The following CD58 variants were observed in gnomAD, a reference collection of about 807,000 sequenced individuals.
CD58 encodes the protein CD58 molecule.
Under a neutral mutation model 27.6 loss-of-function variants are expected in CD58, and 14 were observed. The observed-to-expected ratio is 0.51, with a 90% CI of 0.34 to 0.79. CD58 has a LOEUF of 0.79. Ranked by LOEUF, CD58 falls within the 30% of genes least tolerant of loss-of-function variation. CD58 has a pLI of 0.02. For missense variants in CD58, 268 were observed against 301.7 expected (o/e 0.89, Z 0.83); for synonymous variants, 117 against 103.8 (o/e 1.13, Z -0.77).
At chr1:116,564,774 T>C (rs1009727071) in intron 1 of CD58, among the ~76,000 whole-genome samples, 2 of 152,308 alleles carry the variant, frequency 1.3e-5, no homozygotes, top group South Asian at 2.1e-4. Context: ...CAACGTAAGA[T>C]TTGGGTGGGA....
At chr1:116,544,715 G>A in intron 1 of CD58, 111 bp from the exon 2 acceptor site, 3 of 702,300 alleles carry the variant, frequency 4.3e-6, no homozygotes, top group Non-Finnish European at 2.4e-6. Context: ...CAAAATACAG[G>A]AAGTAAGAAC....
At position 116,536,146 on chromosome 1, in the gene CD58, G is replaced by A. The variant is rs778504255; in HGVS notation, c.447C>T (p.Asn149=). ...EVQCMIPEHY[N]SHRGLIMYSW... ...AGTACATTATAAGTCCTCGATGGCT[G>A]TTGTAATGCTCTGGTATCATGCATT... is the stretch of plus-strand genomic sequence containing the variant. The change falls in exon 3 of 6, where the codon AAC becomes AAT. Residue 149 remains asparagine, a synonymous_variant. Transcript: ENST00000369489. This position sits in a 1 kb window ranked among gnomAD's most constrained non-coding sequence, Gnocchi z 5.4. 15 of 1,612,998 alleles carry A rather than the reference G, an allele frequency of 9.3e-6. No individual in the cohort carries two copies. The South Asian group carries it at 1.5e-4, about 17-fold the overall frequency.
At chr1:116,558,075 T>TTC (rs199697659) in intron 1 of CD58, among the ~76,000 whole-genome samples, 2 of 151,212 alleles carry the variant, frequency 1.3e-5, no homozygotes, top group Admixed American at 6.6e-5. Context: ...TTTAAGATAC[T>TTC]TCTCTCTCTC....
In CD58 at chr1:116,522,978, T is replaced by C. The variant is rs1443271458; in HGVS notation, c.629-995A>G. On this transcript the variant is annotated intron_variant, in intron 3 of 5. Coordinates refer to ENST00000369489, the MANE Select transcript of CD58 (RefSeq NM_001779.3). This position sits in a 1 kb window ranked among gnomAD's most constrained non-coding sequence, Gnocchi z 4.6. ...ACAGGGTAACTATACTCGAGACTAA[T>C]AAATATACTTATCTCATAGGGTAGT... Among the ~76,000 whole-genome samples the C allele has an allele frequency of 6.6e-6, 1 of 152,198 alleles. No individual in the cohort carries two copies. Among genetic ancestry groups the C allele is most frequent in the African/African-American group, 2.4e-5 (1 of 41,436 alleles).
intron 1 of CD58, among the ~76,000 whole-genome samples, chr1:116,561,428 CTA>C (rs1340583470): frequency 6.6e-6 from 1 of 152,076 alleles, no homozygotes; most frequent in Non-Finnish European, 1.5e-5. Flanking sequence ...GCAAAAGTGT[CTA>C]GGAGTGAAAT....
At chr1:116,549,472 C>A (rs1265140856) in intron 1 of CD58, among the ~76,000 whole-genome samples, 1 of 152,154 alleles carries the variant, frequency 6.6e-6, no homozygotes, top group Non-Finnish European at 1.5e-5. Context: ...CATACACAAG[C>A]ACAGCCAGCC....
chr1:116,558,436 C>T (rs1658651559), intron 1 of CD58, among the ~76,000 whole-genome samples: 1 of 152,156 alleles, frequency 6.6e-6, no homozygotes, highest in Admixed American at 6.5e-5. Flanking sequence ...TGCCTACTTG[C>T]AGTATCAGGA....
intron 3 of CD58, among the ~76,000 whole-genome samples, chr1:116,529,420 G>A (rs192542465): frequency 9.2e-5 from 14 of 152,172 alleles, no homozygotes; most frequent in African/African-American, 3.1e-4. Flanking sequence ...CCTTGGAGCT[G>A]CAATTTTCAA....
Position 116,538,457 on chromosome 1 carries a change from G to A in CD58, c.365-2229C>T, listed in dbSNP as rs918062927. Among the ~76,000 whole-genome samples, 1 of 152,084 alleles carries A rather than the reference G, an allele frequency of 6.6e-6. No individual in the cohort carries two copies. Among genetic ancestry groups the A allele is most frequent in the African/African-American group, 2.4e-5 (1 of 41,382 alleles). On this transcript the variant is annotated intron_variant, in intron 2 of 5. Coordinates refer to ENST00000369489, the MANE Select transcript of CD58 (RefSeq NM_001779.3). This position sits in a 1 kb window ranked among gnomAD's most constrained non-coding sequence, Gnocchi z 4.7. ...TACTTATGCCTGCCTCTGTAACTAG[G>A]CTGGGCATTTCTCAGGGGCAGAAAA...
Position 116,536,350 on chromosome 1 carries a change from G to A in CD58, c.365-122C>T. ...GAAAGGATGAGCAGACAAACTCCTTGAGCATCAAGGAGCGAGAATTCTTTC... is the reference window on the plus strand; with the variant it reads ...GAAAGGATGAGCAGACAAACTCCTTAAGCATCAAGGAGCGAGAATTCTTTC... On this transcript the variant is annotated intron_variant, in intron 2 of 5. Transcript: ENST00000369489. This position sits in a 1 kb window ranked among gnomAD's most constrained non-coding sequence, Gnocchi z 5.4. The A allele has an allele frequency of 1.5e-6, 1 of 645,452 alleles. No homozygotes were observed. The highest frequency in any genetic ancestry group is 2.6e-6 in the Non-Finnish European group (1 of 385,196). 40.0% of individuals were successfully genotyped at this position (645,452 alleles called of 1,614,324 possible).
At position 116,570,833 on chromosome 1, in the gene CD58, G is replaced by A; in HGVS notation, c.70+70C>T. ...TCGGCAACCGCCTCGAGCCCGGCGC[G>A]TCCACCCAGCCTGGGTGCTGCCCAG... On this transcript the variant is annotated intron_variant, in intron 1 of 5. Transcript: ENST00000369489. This position sits in a 1 kb window ranked among gnomAD's most constrained non-coding sequence, Gnocchi z 6.4. The A allele has an allele frequency of 3.1e-6, 4 of 1,281,380 alleles. No homozygotes were observed. Among genetic ancestry groups the A allele is most frequent in the Non-Finnish European group, 4.3e-6 (4 of 935,422 alleles). 79.4% of individuals were successfully genotyped at this position (1,281,380 alleles called of 1,614,324 possible).
In CD58 at chr1:116,552,781, G is replaced by A. The variant is rs1346211089; in HGVS notation, c.71-8177C>T. ...TAGCTTTGTCTATTGCAGTTACACC[G>A]CAATAACTATCCTGTACATATGTCC... On this transcript the variant is annotated intron_variant, in intron 1 of 5. Transcript: ENST00000369489. This position sits in a 1 kb window ranked among gnomAD's most constrained non-coding sequence, Gnocchi z 4.5. Among the ~76,000 whole-genome samples the A allele has an allele frequency of 3.9e-5, 6 of 152,156 alleles. No individual in the cohort carries two copies. Among genetic ancestry groups the A allele is most frequent in the South Asian group, 2.1e-4 (1 of 4,836 alleles).
rs762708999 is a variant in CD58, at chr1:116,544,574, T to C, written c.101A>G (p.Tyr34Cys). The change falls in exon 2 of 6, where the codon TAT becomes TGT. Residue 34 changes from tyrosine to cysteine, a missense_variant. By Grantham distance (194) the Tyr-to-Cys change is radical (BLOSUM62 -2). Transcript: ENST00000369489. Reference sequence around the variant, plus strand: ...AGTTACATTCCCATACACAACACCATATATTTGTTGGGAAAAACAGCTGAT... The same window carrying C: ...AGTTACATTCCCATACACAACACCACATATTTGTTGGGAAAAACAGCTGAT... ...GFISCFSQQI[Y>C]GVVYGNVTFH... 8.5e-5 allele frequency: 136 copies of C among 1,590,832 alleles called. No individual in the cohort carries two copies. The highest frequency in any genetic ancestry group is 6.7e-4 in the Middle Eastern group (4 of 5,974).
chr1:116,569,404 T>C lies in CD58; in HGVS notation c.70+1499A>G, dbSNP rs371342585. On this transcript the variant is annotated intron_variant, in intron 1 of 5. Coordinates refer to ENST00000369489, the MANE Select transcript of CD58 (RefSeq NM_001779.3). ...ATCCTGTAAGGCCCAGGAGAAGCTC[T>C]CTCAGCTCAGAGAATCCAGACTCCC... 2.2e-4 allele frequency among the ~76,000 whole-genome samples: 33 copies of C among 152,208 alleles called. No homozygotes were observed. In the East Asian group the frequency reaches 2.3e-3, roughly 11 times the overall value.
At chr1:116,540,750 G>A (rs1264093486) in intron 2 of CD58, among the ~76,000 whole-genome samples, 2 of 152,086 alleles carry the variant, frequency 1.3e-5, no homozygotes. Flanking sequence ...TATCCAGTTG[G>A]TCTGACTAAC....
intron 1 of CD58, among the ~76,000 whole-genome samples, chr1:116,556,838 C>G (rs1249731866): frequency 3.3e-5 from 5 of 152,178 alleles, no homozygotes; most frequent in African/African-American, 1.2e-4. Context: ...CACCAGTGAG[C>G]CTACAGGGAG....
In CD58 at chr1:116,552,357, C is replaced by T. The variant is rs1387585446; in HGVS notation, c.71-7753G>A. 2.0e-5 allele frequency among the ~76,000 whole-genome samples: 3 copies of T among 152,292 alleles called. No individual in the cohort carries two copies. In the East Asian group the frequency reaches 5.8e-4, roughly 29 times the overall value. On this transcript the variant is annotated intron_variant, in intron 1 of 5. Transcript: ENST00000369489. This position sits in a 1 kb window ranked among gnomAD's most constrained non-coding sequence, Gnocchi z 4.5. ...CAGTAACATCAAAGATCACTGATCA[C>T]AGATCACCATAACAGATATGATAAT... is the stretch of plus-strand genomic sequence containing the variant.
chr1:116,520,477 C>T (rs1016561846), intron 4 of CD58, among the ~76,000 whole-genome samples: 2 of 151,174 alleles, frequency 1.3e-5, no homozygotes, highest in Non-Finnish European at 2.9e-5. Flanking sequence ...CAGTACTGAC[C>T]AGGGGAGTAA....
At chr1:116,566,985 A>T (rs921854652) in intron 1 of CD58, among the ~76,000 whole-genome samples, 1 of 150,806 alleles carries the variant, frequency 6.6e-6, no homozygotes, top group Admixed American at 6.6e-5. Context: ...TAAAAAATAC[A>T]AAAAAATTAG....
Sources: allele counts gnomAD v4.1 joint callset (sites outside exome capture counted in the v4.1 genomes callset), GRCh38; gene constraint gnomAD v4.1.1; non-coding constraint Gnocchi (gnomAD v3.1); transcripts MANE v1.5; gene names NCBI Gene and HGNC (gene_info 2026-07-23, HGNC 2026-07-21).